KCTD8: variants seen among roughly 807,000 people sequenced by gnomAD.
The protein encoded by KCTD8 is BTB/POZ domain-containing protein KCTD8.
KCTD8 carries 27 observed loss-of-function variants against 31.5 expected under a neutral mutation model. The observed-to-expected ratio is 0.86, with a 90% confidence interval of 0.63 to 1.18. The LOEUF is 1.18. Among genes scored for constraint, KCTD8 ranks in the 50% most tolerant of loss-of-function variants. KCTD8 has a pLI of 0.00. For missense variants in KCTD8, 658 were observed against 647.7 expected (o/e 1.02, Z -0.17); for synonymous variants, 290 against 280.0 (o/e 1.04, Z -0.36).
intron 1 of KCTD8, among the ~76,000 whole-genome samples, chr4:44,274,803 AT>A (rs1380962638): frequency 6.6e-6 from 1 of 151,734 alleles, no homozygotes; most frequent in Non-Finnish European, 1.5e-5. Flanking sequence ...TCAAACCCAG[AT>A]TAGATTGGCC....
chr4:44,379,545 A>G (rs1720006222), intron 1 of KCTD8, among the ~76,000 whole-genome samples: 1 of 152,090 alleles, frequency 6.6e-6, no homozygotes, highest in African/African-American at 2.4e-5. Context: ...AACTAAAACC[A>G]TTGCAGGTGT....
chr4:44,312,728 A>G (rs1458244991), intron 1 of KCTD8, among the ~76,000 whole-genome samples: 1 of 152,060 alleles, frequency 6.6e-6, no homozygotes, highest in Non-Finnish European at 1.5e-5. Context: ...TCCATAGATT[A>G]TTTGTCTTTT....
chr4:44,225,815 CTTTTTTTTTTTTT>C (rs35751540), intron 1 of KCTD8, among the ~76,000 whole-genome samples: 1 of 74,450 alleles, frequency 1.3e-5, no homozygotes. Context: ...GGTTTTGTCT[CTTTTTTTTTTTTT>C]TTTTTTTTTC....
intron 1 of KCTD8, among the ~76,000 whole-genome samples, chr4:44,346,767 G>A (rs1719048001): frequency 6.6e-6 from 1 of 152,128 alleles, no homozygotes; most frequent in Non-Finnish European, 1.5e-5. Context: ...TAGAGCTTGT[G>A]CTCTTCCTAA....
intron 1 of KCTD8, among the ~76,000 whole-genome samples, chr4:44,361,593 T>C (rs1292352087): frequency 6.6e-6 from 1 of 152,090 alleles, no homozygotes; most frequent in Non-Finnish European, 1.5e-5. Context: ...TTTTTAAATA[T>C]TCAAGGTGAT....
At chr4:44,302,099 CA>C (rs1717641953) in intron 1 of KCTD8, among the ~76,000 whole-genome samples, 1 of 152,110 alleles carries the variant, frequency 6.6e-6, no homozygotes, top group South Asian at 2.1e-4. Context: ...GTACCAGTAC[CA>C]TGCTGTTTTT....
At chr4:44,200,966 G>A (rs900881229) in intron 1 of KCTD8, among the ~76,000 whole-genome samples, 1 of 151,972 alleles carries the variant, frequency 6.6e-6, no homozygotes. Context: ...AAAGTTTCAG[G>A]ATACAAAATT....
At chr4:44,382,852 A>T (rs982427882) in intron 1 of KCTD8, among the ~76,000 whole-genome samples, 2 of 152,038 alleles carry the variant, frequency 1.3e-5, no homozygotes, top group Non-Finnish European at 2.9e-5. Context: ...TCCAAATTGG[A>T]AAGAAGAAAG....
chr4:44,439,269 CA>C (rs1260129359), intron 1 of KCTD8, among the ~76,000 whole-genome samples: 1 of 152,164 alleles, frequency 6.6e-6, no homozygotes, highest in Admixed American at 6.5e-5. Context: ...GTGGTTAAAT[CA>C]TTCACTATTC....
chr4:44,200,352 GA>G (rs1057025917), intron 1 of KCTD8, among the ~76,000 whole-genome samples: 42 of 141,250 alleles, frequency 3.0e-4, no homozygotes, highest in African/African-American at 7.7e-4. Context: ...CAGACACAAT[GA>G]AAAAAAAAAA....
chr4:44,335,942 A>T (rs1245272754), intron 1 of KCTD8, among the ~76,000 whole-genome samples: 1 of 151,602 alleles, frequency 6.6e-6, no homozygotes, highest in Non-Finnish European at 1.5e-5. Flanking sequence ...CGAGGTCAGG[A>T]GATTGAGACC....
chr4:44,436,881 G>T (rs1721661642), intron 1 of KCTD8, among the ~76,000 whole-genome samples: 1 of 151,998 alleles, frequency 6.6e-6, no homozygotes, highest in South Asian at 2.1e-4. Context: ...AAAGGCCACT[G>T]CTCTGCTGAC....
chr4:44,408,849 C>T (rs908062939), intron 1 of KCTD8, among the ~76,000 whole-genome samples: 1 of 151,946 alleles, frequency 6.6e-6, no homozygotes, highest in Admixed American at 6.6e-5. Context: ...GATATCCTGA[C>T]CTCATGATCT....
At chr4:44,374,954 G>T (rs1028210264) in intron 1 of KCTD8, among the ~76,000 whole-genome samples, 8 of 152,074 alleles carry the variant, frequency 5.3e-5, no homozygotes, top group African/African-American at 1.2e-4. Context: ...TGCTAAGATT[G>T]TTTGATACAA....
intron 1 of KCTD8, among the ~76,000 whole-genome samples, chr4:44,303,340 A>T (rs1473708534): frequency 6.6e-6 from 1 of 151,946 alleles, no homozygotes; most frequent in Non-Finnish European, 1.5e-5. Context: ...CTGTGAATCC[A>T]TCTGGTCCTG....
At chr4:44,403,369 T>C (rs1325599804) in intron 1 of KCTD8, among the ~76,000 whole-genome samples, 2 of 150,772 alleles carry the variant, frequency 1.3e-5, no homozygotes, top group African/African-American at 2.4e-5. Context: ...GAAATATTAA[T>C]AAATCATTTT....
intron 1 of KCTD8, among the ~76,000 whole-genome samples, chr4:44,363,080 G>C (rs2109431469): frequency 6.6e-6 from 1 of 151,964 alleles, no homozygotes; most frequent in Non-Finnish European, 1.5e-5. Context: ...TGTGCAAGAT[G>C]GTAATTTAAC....
At position 44,442,158 on chromosome 4, in the gene KCTD8, G is replaced by A. The variant is rs78546572; in HGVS notation, c.961+5405C>T. On this transcript the variant is annotated intron_variant, in intron 1 of 1. Transcript: ENST00000360029. Reference sequence around the variant, plus strand: ...GATTTTATTGGCACTTACTAGTGGTGCTGATTAAAACTGCACTTTTTTTTT... The same window carrying A: ...GATTTTATTGGCACTTACTAGTGGTACTGATTAAAACTGCACTTTTTTTTT... 1.2e-4 allele frequency among the ~76,000 whole-genome samples: 16 copies of A among 137,820 alleles called. No individual in the cohort carries two copies. The East Asian group carries it at 3.6e-3, about 31-fold the overall frequency. 90.4% of individuals were successfully genotyped at this position (137,820 alleles called of 152,430 possible). A position where few individuals can be genotyped will look rare whatever the true frequency, so the allele number is the denominator to read the frequency against.
At chr4:44,182,587 C>A (rs1193958298) in intron 1 of KCTD8, among the ~76,000 whole-genome samples, 2 of 152,122 alleles carry the variant, frequency 1.3e-5, no homozygotes, top group Admixed American at 6.5e-5. Context: ...TGCTTGAAGG[C>A]AGCATGCTCG....
Sources: allele counts gnomAD v4.1 joint callset (sites outside exome capture counted in the v4.1 genomes callset), GRCh38; gene constraint gnomAD v4.1.1; transcripts MANE v1.5; gene names NCBI Gene and HGNC (gene_info 2026-07-23, HGNC 2026-07-21).